Variants in THADA observed in about 807,000 individuals in gnomAD.
THADA encodes tRNA (32-2'-O)-methyltransferase regulator THADA.
Under a neutral mutation model 219.8 loss-of-function variants are expected in THADA, and 213 were observed. That is an observed-to-expected ratio of 0.97 (90% CI 0.87 to 1.09). The LOEUF (loss-of-function observed/expected upper bound fraction) is 1.09, where lower values mean the gene tolerates loss of function less well. Ranked by LOEUF, THADA falls within the 50% of genes least tolerant of loss-of-function variation. THADA has a pLI of 0.00. For synonymous variants in THADA, 1,018 were observed against 828.9 expected (o/e 1.23, Z -3.92); for missense variants, 2,956 against 2,311.3 (o/e 1.28, Z -5.72).
chr2:43,522,933 C>CA (rs1406397022), intron 22 of THADA, among the ~76,000 whole-genome samples: 13 of 150,850 alleles, frequency 8.6e-5, no homozygotes, highest in Non-Finnish European at 8.9e-5. Context: ...CAAAACAAAA[C>CA]AAAAAAAAGA....
chr2:43,326,980 C>T (rs573682344), intron 30 of THADA, among the ~76,000 whole-genome samples: 51 of 150,182 alleles, frequency 3.4e-4, no homozygotes, highest in South Asian at 2.6e-3. Context: ...CTGAGCAGTA[C>T]GGGGGATATC....
intron 36 of THADA, among the ~76,000 whole-genome samples, chr2:43,269,182 C>T (rs1171017997): frequency 1.3e-5 from 2 of 152,238 alleles, no homozygotes; most frequent in Admixed American, 6.5e-5. Context: ...GGGAAGACAA[C>T]ACCCTGCAGC....
intron 28 of THADA, among the ~76,000 whole-genome samples, chr2:43,413,513 T>G (rs895094803): frequency 3.9e-5 from 6 of 152,158 alleles, no homozygotes; most frequent in Non-Finnish European, 8.8e-5. Flanking sequence ...ACAGATGAGG[T>G]TGCCTTACCT....
At chr2:43,568,905 T>A (rs926977894) in intron 14 of THADA, among the ~76,000 whole-genome samples, 1 of 152,080 alleles carries the variant, frequency 6.6e-6, no homozygotes, top group African/African-American at 2.4e-5. Context: ...TAAAAAAAAT[T>A]TTTTTAACTA....
In THADA at chr2:43,317,053, C is replaced by T. The variant is rs112888247; in HGVS notation, c.4438+3393G>A. Among the ~76,000 whole-genome samples, 146 of 152,304 alleles carry T rather than the reference C, an allele frequency of 9.6e-4. No individual in the cohort carries two copies. In the Middle Eastern group the frequency reaches 0.01, roughly 11 times the overall value. On this transcript the variant is annotated intron_variant, in intron 31 of 37. Transcript: ENST00000405975. ...CACTCTAAGATATAGATCTTACTGT[C>T]CCCTTTTACAATGGAAACAACGTGT...
intron 36 of THADA, among the ~76,000 whole-genome samples, chr2:43,269,443 C>G (rs1671888463): frequency 2.6e-5 from 4 of 152,238 alleles, no homozygotes; most frequent in Non-Finnish European, 5.9e-5. Context: ...GCACTCATAA[C>G]TGGCCAGCAG....
At chr2:43,335,797 TAAAA>T (rs143938377) in intron 30 of THADA, among the ~76,000 whole-genome samples, 1 of 123,546 alleles carries the variant, frequency 8.1e-6, no homozygotes, top group Non-Finnish European at 1.7e-5. Context: ...GTCTCTACTT[TAAAA>T]AAAAAAAAAA....
intron 26 of THADA, among the ~76,000 whole-genome samples, chr2:43,434,656 G>A (rs1679834974): frequency 6.6e-6 from 1 of 152,168 alleles, no homozygotes; most frequent in African/African-American, 2.4e-5. Context: ...GAGACAGGCC[G>A]CCGAGTGGCC....
intron 28 of THADA, among the ~76,000 whole-genome samples, chr2:43,414,587 A>T (rs1249787332): frequency 1.3e-5 from 2 of 152,216 alleles, no homozygotes; most frequent in Non-Finnish European, 2.9e-5. Context: ...TTCAGAAAAT[A>T]AGGAACCCAC....
intron 28 of THADA, among the ~76,000 whole-genome samples, chr2:43,403,481 G>GGTATTGTTGGGGAGGTATTTTT (rs1292483775): frequency 7.2e-5 from 11 of 152,124 alleles, no homozygotes; most frequent in Admixed American, 5.2e-4. Context: ...TTGAACTGAG[G>GGTATTGTTGGGGAGGTATTTTT]GAACTTTAAG....
intron 34 of THADA, among the ~76,000 whole-genome samples, chr2:43,289,552 A>C (rs1674440939): frequency 6.6e-6 from 1 of 152,260 alleles, no homozygotes; most frequent in African/African-American, 2.4e-5. Context: ...TGTAGTGGAC[A>C]TAACAACTGG....
rs1026247168 is a variant in THADA, at chr2:43,545,449, G to A, written c.3106+3761C>T. Among the ~76,000 whole-genome samples, 521 of 151,884 alleles carry A rather than the reference G, an allele frequency of 3.4e-3. 6 individuals carry two copies. The highest frequency in any genetic ancestry group is 4.8e-3 in the Non-Finnish European group (323 of 67,810). Reference sequence around the variant, plus strand: ...GATTGGAATAGTTTCAGAAGGAATGGTACCAGTTCCTCCTTGTACCTCTGG... The same window carrying A: ...GATTGGAATAGTTTCAGAAGGAATGATACCAGTTCCTCCTTGTACCTCTGG... On this transcript the variant is annotated intron_variant, in intron 20 of 37. Coordinates refer to ENST00000405975, the MANE Select transcript of THADA (RefSeq NM_022065.5).
chr2:43,490,868 C>T (rs1490745576), intron 25 of THADA, among the ~76,000 whole-genome samples: 2 of 152,084 alleles, frequency 1.3e-5, no homozygotes, highest in Non-Finnish European at 2.9e-5. Context: ...TGGAATGCAT[C>T]CTCCTCAAAT....
At chr2:43,441,737 T>C (rs1461724598) in intron 26 of THADA, among the ~76,000 whole-genome samples, 1 of 152,246 alleles carries the variant, frequency 6.6e-6, no homozygotes, top group East Asian at 1.9e-4. Flanking sequence ...GTAAGGTCTG[T>C]AATCTAGCCT....
chr2:43,312,781 C>A (rs571740715), intron 31 of THADA, among the ~76,000 whole-genome samples: 4 of 150,556 alleles, frequency 2.7e-5, no homozygotes, highest in South Asian at 2.1e-4. Flanking sequence ...AATACAAAGT[C>A]CCCAGAAGAC....
At chr2:43,475,321 C>T (rs1188899215) in intron 26 of THADA, among the ~76,000 whole-genome samples, 1 of 146,822 alleles carries the variant, frequency 6.8e-6, no homozygotes, top group Admixed American at 6.9e-5. Flanking sequence ...GAGGTTGAGG[C>T]GGCGGGAGGA....
At chr2:43,377,175 C>A (rs747946845) in intron 29 of THADA, among the ~76,000 whole-genome samples, 1 of 152,100 alleles carries the variant, frequency 6.6e-6, no homozygotes, top group Non-Finnish European at 1.5e-5. Flanking sequence ...TCTGCAAATG[C>A]CTTTGGCAAA....
chr2:43,515,156 ATT>A (rs1491466990), intron 22 of THADA, among the ~76,000 whole-genome samples: 1 of 8,304 alleles, frequency 1.2e-4, no homozygotes, highest in Middle Eastern at 0.062. Flanking sequence ...TATTTTATAT[ATT>A]ATATATAATA....
intron 15 of THADA, 117 bp from the exon 16 acceptor site, chr2:43,560,502 A>T: frequency 3.1e-6 from 2 of 637,744 alleles, no homozygotes; most frequent in East Asian, 6.2e-5. Context: ...TTCATACTTT[A>T]CCCATGATAG....
Sources: gnomAD v4.1 joint callset for allele counts (sites outside exome capture counted in the v4.1 genomes callset) on GRCh38, gnomAD v4.1.1 for gene constraint, MANE v1.5 for transcripts, NCBI Gene and HGNC (gene_info 2026-07-23, HGNC 2026-07-21) for gene names.